ZC3H12B: variants seen among roughly 807,000 people sequenced by gnomAD.
ZC3H12B encodes probable ribonuclease ZC3H12B.
A neutral mutation model predicts 43.9 loss-of-function variants in ZC3H12B; 7 were observed. That is an observed-to-expected ratio of 0.16 (90% CI 0.09 to 0.30). ZC3H12B has a LOEUF of 0.30. ZC3H12B is among the 10% of genes least tolerant of loss of function. ZC3H12B has a pLI of 1.00. For synonymous variants in ZC3H12B, 222 were observed against 241.7 expected (o/e 0.92, Z 0.76); for missense variants, 475 against 670.2 (o/e 0.71, Z 3.22).
intron 3 of ZC3H12B, chrX:65,408,451 C>T: frequency 3.3e-6 from 4 of 1,210,199 alleles, no homozygotes; most frequent in Non-Finnish European, 4.5e-6. Flanking sequence ...ATGCCATCAT[C>T]GGGCAGCAGC....
chrX:65,180,167 G>A, the ZC3H12B span, among the ~76,000 whole-genome samples: 2 of 111,739 alleles, frequency 1.8e-5, no homozygotes, highest in Non-Finnish European at 3.8e-5. Context: ...TGATTAAGTT[G>A]GCTTCATCTC....
the ZC3H12B span, among the ~76,000 whole-genome samples, chrX:65,240,370 A>T: frequency 9.0e-6 from 1 of 111,484 alleles, no homozygotes; most frequent in Non-Finnish European, 1.9e-5. Flanking sequence ...TCTGCTTTTG[A>T]TACTTGTGAT....
the ZC3H12B span, among the ~76,000 whole-genome samples, chrX:65,200,426 C>CTTTTT: frequency 1.5e-4 from 9 of 59,594 alleles, no homozygotes; most frequent in African/African-American, 3.6e-4. Context: ...ATAGTTTCCT[C>CTTTTT]TTTTTTTTTT....
chrX:65,305,255 T>C, the ZC3H12B span, among the ~76,000 whole-genome samples: 1 of 111,300 alleles, frequency 9.0e-6, no homozygotes, highest in Non-Finnish European at 1.9e-5. Flanking sequence ...CCAAACTTCA[T>C]ACAAATATTA....
the ZC3H12B span, among the ~76,000 whole-genome samples, chrX:65,320,872 C>G: frequency 8.9e-6 from 1 of 112,029 alleles, no homozygotes; most frequent in Non-Finnish European, 1.9e-5. Flanking sequence ...TGGACCCCTT[C>G]CTTACATCAT....
At position 65,376,904 on chromosome X, in the gene ZC3H12B, T is replaced by C. The variant is rs1233735575; in HGVS notation, n.295+7906T>C. 1.8e-4 allele frequency among the ~76,000 whole-genome samples: 20 copies of C among 110,516 alleles called. No individual in the cohort carries two copies. The Admixed American group carries it at 2.0e-3, about 11-fold the overall frequency. Reference sequence around the variant, plus strand: ...AGCATCAAGACCATATAGGAAAACATGACTCCACCAAACTAAATAAGGCAC... The same window carrying C: ...AGCATCAAGACCATATAGGAAAACACGACTCCACCAAACTAAATAAGGCAC... On this transcript the variant is annotated intron_variant and non_coding_transcript_variant, in intron 2 of 5. Transcript: ENST00000617377.
chrX:65,485,749 C>T (rs2068116618), upstream of ZC3H12B, among the ~76,000 whole-genome samples: 1 of 112,152 alleles, frequency 8.9e-6, no homozygotes, highest in Non-Finnish European at 1.9e-5. Flanking sequence ...TCTTCATATA[C>T]TTGTAATTTT....
chrX:65,476,972 C>A (rs1484978158), intron 3 of ZC3H12B, among the ~76,000 whole-genome samples: 1 of 106,422 alleles, frequency 9.4e-6, no homozygotes, highest in Non-Finnish European at 1.9e-5. Flanking sequence ...CAGACATGCA[C>A]CATCACTCCT....
chrX:65,212,424 A>G, the ZC3H12B span, among the ~76,000 whole-genome samples: 7 of 59,466 alleles, frequency 1.2e-4, 1 homozygote, highest in South Asian at 1.1e-3. Flanking sequence ...TATATGTAAT[A>G]TAATTATTAT....
chrX:65,301,140 C>T, the ZC3H12B span, among the ~76,000 whole-genome samples: 2 of 110,159 alleles, frequency 1.8e-5, no homozygotes, highest in African/African-American at 3.3e-5. Context: ...TGCAATACCT[C>T]GTTACTCCTT....
At chrX:65,461,135 GCAAAT>G (rs1373290466) in intron 3 of ZC3H12B, among the ~76,000 whole-genome samples, 7 of 112,194 alleles carry the variant, frequency 6.2e-5, no homozygotes, top group Non-Finnish European at 1.3e-4. Flanking sequence ...ACAGAGAAAT[GCAAAT>G]CAAAACCACA....
the ZC3H12B span, among the ~76,000 whole-genome samples, chrX:65,194,053 G>A: frequency 2.7e-5 from 3 of 109,185 alleles, no homozygotes; most frequent in Non-Finnish European, 5.7e-5. Flanking sequence ...CAGATATCAC[G>A]AGAGCAGTGG....
the ZC3H12B span, among the ~76,000 whole-genome samples, chrX:65,241,459 G>A: frequency 1.2e-5 from 1 of 83,398 alleles, no homozygotes; most frequent in East Asian, 3.8e-4. Flanking sequence ...CCCCTCCTGG[G>A]GGCTTCATCC....
At chrX:65,366,348 A>C (rs759616706), upstream of ZC3H12B, among the ~76,000 whole-genome samples, 15 of 111,791 alleles carry the variant, frequency 1.3e-4, no homozygotes, top group South Asian at 5.7e-3. Flanking sequence ...CTGTCCTGAC[A>C]GATAGTCCTT....
At chrX:65,447,693 G>A (rs1388119420) in intron 3 of ZC3H12B, among the ~76,000 whole-genome samples, 1 of 111,839 alleles carries the variant, frequency 8.9e-6, no homozygotes, top group Non-Finnish European at 1.9e-5. Context: ...CTATGCATCT[G>A]ATGAAGGACT....
chrX:65,257,662 G>A, the ZC3H12B span, among the ~76,000 whole-genome samples: 2 of 109,362 alleles, frequency 1.8e-5, no homozygotes, highest in Admixed American at 1.9e-4. Context: ...AAATAAAAAA[G>A]AGAGGTTGAA....
At chrX:65,384,712 T>C (rs1212618457) in intron 2 of ZC3H12B, among the ~76,000 whole-genome samples, 1 of 111,351 alleles carries the variant, frequency 9.0e-6, no homozygotes, top group Non-Finnish European at 1.9e-5. Context: ...TCAAAAGACA[T>C]AGAGTGGCTG....
the ZC3H12B span, among the ~76,000 whole-genome samples, chrX:65,273,581 C>T: frequency 5.4e-5 from 6 of 111,398 alleles, no homozygotes; most frequent in East Asian, 1.4e-3. Context: ...AAACAAATGG[C>T]CAGTCAAGTC....
chrX:65,306,911 C>A, the ZC3H12B span, among the ~76,000 whole-genome samples: 1 of 112,009 alleles, frequency 8.9e-6, no homozygotes, highest in Non-Finnish European at 1.9e-5. Flanking sequence ...AGTGAAAGAG[C>A]CTGACAAATT....
Sources: gnomAD v4.1 joint callset for allele counts (sites outside exome capture counted in the v4.1 genomes callset) on GRCh38, gnomAD v4.1.1 for gene constraint, MANE v1.5 for transcripts, NCBI Gene and HGNC (gene_info 2026-07-23, HGNC 2026-07-21) for gene names.